Variants in AP2A2 observed in about 807,000 individuals in gnomAD.
The protein encoded by AP2A2 is AP-2 complex subunit alpha-2.
A neutral mutation model predicts 104.2 loss-of-function variants in AP2A2; 32 were observed. That is an observed-to-expected ratio of 0.31 (90% CI 0.23 to 0.41). AP2A2 has a LOEUF of 0.41. Among genes scored for constraint, AP2A2 ranks in the 10% least tolerant of loss-of-function variants. The pLI, the probability that AP2A2 is intolerant of heterozygous loss-of-function variation, is 1.00. For missense variants in AP2A2, 912 were observed against 1,261.0 expected (o/e 0.72, Z 4.19); for synonymous variants, 539 against 533.3 (o/e 1.01, Z -0.15).
chr11:1,003,464 T>C (rs947519849), intron 15 of AP2A2, among the ~76,000 whole-genome samples: 1 of 152,244 alleles, frequency 6.6e-6, no homozygotes, highest in Non-Finnish European at 1.5e-5. Context: ...TGGACCAGCA[T>C]GTTCCTGAAA....
At position 977,333 on chromosome 11, in the gene AP2A2, CAG is replaced by C. The variant is rs1047509101; in HGVS notation, c.603+110_603+111del. 2.9e-5 allele frequency: 41 copies of C among 1,420,984 alleles called. No homozygotes were observed. In the African/African-American group the frequency reaches 3.2e-4, roughly 11 times the overall value. The allele number at this position is 1,420,984 out of a possible 1,614,324, so 88.0% of individuals were successfully genotyped here. A position where few individuals can be genotyped will look rare whatever the true frequency, so the allele number is the denominator to read the frequency against. On this transcript the variant is annotated intron_variant, in intron 5 of 21. Coordinates refer to ENST00000448903, the MANE Select transcript of AP2A2 (RefSeq NM_012305.4). ...TCGGGATGCCCAGGAGAGGCTGTCA[CAG>C]GGGCTGCTGTGGCTGCGTGCTGAGG...
At chr11:963,335 A>G (rs1311605842) in intron 2 of AP2A2, among the ~76,000 whole-genome samples, 4 of 152,078 alleles carry the variant, frequency 2.6e-5, no homozygotes, top group Non-Finnish European at 5.9e-5. Flanking sequence ...CTGAGGCAGG[A>G]GAATCGCTTG....
chr11:936,206 C>CTTT (rs982315120), intron 1 of AP2A2, among the ~76,000 whole-genome samples: 5,851 of 109,948 alleles, frequency 0.053, 233 homozygotes, highest in Non-Finnish European at 0.076. Flanking sequence ...TGCGCCTGGC[C>CTTT]TTTTTTTTTT....
chr11:954,962 TGTA>T (rs929764780), intron 1 of AP2A2, among the ~76,000 whole-genome samples: 44 of 152,222 alleles, frequency 2.9e-4, no homozygotes, highest in African/African-American at 1.0e-3. Flanking sequence ...ATTTAGCTCA[TGTA>T]GTAGTATTTC....
chr11:970,417 C>T (rs1179833466), intron 3 of AP2A2, 106 bp downstream of exon 3: 15 of 1,415,978 alleles, frequency 1.1e-5, no homozygotes, highest in African/African-American at 1.4e-5. Context: ...CCACAGCTGA[C>T]GTGAGCCACG....
chr11:990,282 T>C (rs1007616581), intron 10 of AP2A2, among the ~76,000 whole-genome samples: 1 of 151,880 alleles, frequency 6.6e-6, no homozygotes, highest in Non-Finnish European at 1.5e-5. Context: ...GCAGGCACCG[T>C]GGTGTAGGGC....
intron 2 of AP2A2, among the ~76,000 whole-genome samples, chr11:967,833 C>A (rs951526080): frequency 6.6e-6 from 1 of 152,182 alleles, no homozygotes; most frequent in African/African-American, 2.4e-5. Flanking sequence ...CTCTGATCTG[C>A]ACAAACCAAG....
At chr11:964,003 C>T (rs916035776) in intron 2 of AP2A2, among the ~76,000 whole-genome samples, 5 of 152,218 alleles carry the variant, frequency 3.3e-5, no homozygotes, top group African/African-American at 7.2e-5. Flanking sequence ...GCCCCCACAA[C>T]AGAGGCGTCA....
At chr11:927,141 A>G (rs1277252546) in intron 1 of AP2A2, among the ~76,000 whole-genome samples, 2 of 151,948 alleles carry the variant, frequency 1.3e-5, no homozygotes, top group African/African-American at 2.4e-5. Context: ...ATCACGGCGC[A>G]CTCAACCTCC....
intron 4 of AP2A2, among the ~76,000 whole-genome samples, chr11:976,202 G>T (rs1855030825): frequency 6.6e-6 from 1 of 152,220 alleles, no homozygotes; most frequent in Non-Finnish European, 1.5e-5. Context: ...TGAGGATGGG[G>T]TGGGCCGGAA....
chr11:926,221 T>G (rs905687891), intron 1 of AP2A2, 133 bp downstream of exon 1: 1 of 243,386 alleles, frequency 4.1e-6, no homozygotes, highest in Non-Finnish European at 5.3e-6. Flanking sequence ...GGCCTGAGGG[T>G]GCGGGCGGCG....
chr11:992,397 C>A lies in AP2A2; in HGVS notation c.1270-106C>A. 3.4e-6 allele frequency: 4 copies of A among 1,177,456 alleles called. No homozygotes were observed. The highest frequency in any genetic ancestry group is 1.3e-5 in the South Asian group (1 of 75,758). The allele number at this position is 1,177,456 out of a possible 1,614,324, so 72.9% of individuals were successfully genotyped here. On this transcript the variant is annotated intron_variant, in intron 10 of 21. Coordinates refer to ENST00000448903, the MANE Select transcript of AP2A2 (RefSeq NM_012305.4). The surrounding 1 kb of genome is among the most constrained non-coding windows in gnomAD (Gnocchi z 6.4). ...CCTCCATGTCCCAAACTTTTGTAGA[C>A]ACATTGAGGTGCTTCTGAAACTCTC...
intron 6 of AP2A2, among the ~76,000 whole-genome samples, chr11:983,506 T>C (rs7484218): frequency 0.092 from 14,005 of 151,552 alleles, 721 homozygotes; most frequent in Middle Eastern, 0.16. Context: ...CCTCAGCCTC[T>C]CGAGTAGCTG....
chr11:929,726 G>T (rs1043611220), intron 1 of AP2A2, among the ~76,000 whole-genome samples: 5 of 151,970 alleles, frequency 3.3e-5, no homozygotes, highest in Non-Finnish European at 5.9e-5. Flanking sequence ...AGCCCTGGAG[G>T]TTGAGGCTGC....
At chr11:929,940 A>C (rs1043475027) in intron 1 of AP2A2, among the ~76,000 whole-genome samples, 47 of 151,942 alleles carry the variant, frequency 3.1e-4, no homozygotes, top group African/African-American at 1.1e-3. Flanking sequence ...TAGCCAACAT[A>C]GGGAAACACT....
intron 1 of AP2A2, chr11:940,822 G>A (rs1487445197): frequency 1.1e-5 from 5 of 456,276 alleles, no homozygotes; most frequent in South Asian, 7.7e-5. Context: ...TTCGCTGCAG[G>A]GTGAGGTCTG....
chr11:963,826 A>G (rs1270977297), intron 2 of AP2A2, among the ~76,000 whole-genome samples: 1 of 152,208 alleles, frequency 6.6e-6, no homozygotes, highest in African/African-American at 2.4e-5. Context: ...GGGTCTTGCC[A>G]TGTTACCTAG....
chr11:985,502 C>A lies in AP2A2; in HGVS notation c.882C>A (p.Pro294=), dbSNP rs1855420868. Residue 294 remains proline (P), a synonymous_variant, in exon 8 of 22, where the codon CCC becomes CCA. Transcript: ENST00000448903. ...TCCTGAACAAAGCCCAAGAACCGCC[C>A]AAGTCGAAGAAGGTCCAGCACTCCA... ...ETILNKAQEP[P]KSKKVQHSNA... The A allele has an allele frequency of 6.2e-7, 1 of 1,613,976 alleles. No individual in the cohort carries two copies. Among genetic ancestry groups the A allele is most frequent in the East Asian group, 2.2e-5 (1 of 44,868 alleles).
At chr11:977,344 G>T (rs906724021) in intron 5 of AP2A2, 120 bp downstream of exon 5, 1 of 1,361,542 alleles carries the variant, frequency 7.3e-7, no homozygotes, top group Admixed American at 2.7e-5. Flanking sequence ...AGGGGCTGCT[G>T]TGGCTGCGTG....
Sources: allele counts gnomAD v4.1 joint callset (sites outside exome capture counted in the v4.1 genomes callset), GRCh38; gene constraint gnomAD v4.1.1; non-coding constraint Gnocchi (gnomAD v3.1); transcripts MANE v1.5; gene names NCBI Gene and HGNC (gene_info 2026-07-23, HGNC 2026-07-21).